MBTD1: variants seen among roughly 807,000 people sequenced by gnomAD.
The protein encoded by MBTD1 is MBT domain-containing protein 1.
In MBTD1, 24 loss-of-function variants were observed where a neutral mutation model predicts 87.8. That is an observed-to-expected ratio of 0.27 (90% CI 0.20 to 0.38). The LOEUF is 0.38. MBTD1 is among the 10% of genes least tolerant of loss of function. MBTD1 has a pLI of 1.00. For missense variants in MBTD1, 436 were observed against 760.2 expected (o/e 0.57, Z 5.02); for synonymous variants, 237 against 248.6 (o/e 0.95, Z 0.44).
rs2050209393 is a variant in MBTD1, at chr17:51,179,490, A to ATATATATATATATATATATTTATATTTT, written c.*1085_*1086insAAAATATAAATATATATATATATATATA. 1 of 23,548 alleles carries ATATATATATATATATATATTTATATTTT rather than the reference A, an allele frequency of 4.2e-5. No homozygotes were observed. Among genetic ancestry groups the ATATATATATATATATATATTTATATTTT allele is most frequent in the African/African-American group, 1.4e-4 (1 of 7,152 alleles). The allele number at this position is 23,548 out of a possible 1,614,324, so 1.5% of individuals were successfully genotyped here. On this transcript the variant is annotated 3_prime_UTR_variant, in exon 17 of 17. Transcript: ENST00000586178. Reference sequence around the variant, plus strand: ...AATACAATTAAAGACAATTTTATATATATATATATATATATATATATATAT... The same window carrying ATATATATATATATATATATTTATATTTT: ...AATACAATTAAAGACAATTTTATATATATATATATATATATATATTTATATTTTTATATATATATATATATATATATAT...
chr17:51,258,797 G>C (rs1419484187), intron 2 of MBTD1, among the ~76,000 whole-genome samples: 1 of 152,260 alleles, frequency 6.6e-6, no homozygotes, highest in African/African-American at 2.4e-5. Flanking sequence ...TAATTCTTTA[G>C]CTTCCTGTAG....
At chr17:51,226,173 C>T (rs2053204411) in intron 2 of MBTD1, among the ~76,000 whole-genome samples, 1 of 139,922 alleles carries the variant, frequency 7.1e-6, no homozygotes, top group Non-Finnish European at 1.6e-5. Flanking sequence ...CCCACTCTAC[C>T]AAAAAAAAAC....
chr17:51,258,176 G>A (rs1468050792), intron 2 of MBTD1, among the ~76,000 whole-genome samples: 1 of 152,154 alleles, frequency 6.6e-6, no homozygotes, highest in Admixed American at 6.6e-5. Flanking sequence ...GGAGACTGGG[G>A]CTTAAGGTGA....
At chr17:51,254,297 C>G (rs1160633728) in intron 2 of MBTD1, among the ~76,000 whole-genome samples, 1 of 152,186 alleles carries the variant, frequency 6.6e-6, no homozygotes, top group African/African-American at 2.4e-5. Context: ...TAAAACTCAT[C>G]AGTGTAAAGA....
intron 16 of MBTD1, chr17:51,185,269 G>A (rs1159127331): frequency 6.6e-6 from 1 of 152,188 alleles, no homozygotes; most frequent in Non-Finnish European, 1.5e-5. Context: ...TGCTAAGGCA[G>A]GTATAACTTT....
At chr17:51,253,319 T>C (rs997350111) in intron 2 of MBTD1, among the ~76,000 whole-genome samples, 1 of 152,186 alleles carries the variant, frequency 6.6e-6, no homozygotes, top group African/African-American at 2.4e-5. Flanking sequence ...TTTAGGAATC[T>C]GTCCTTCAGA....
At chr17:51,230,790 A>G (rs2053506373) in intron 2 of MBTD1, among the ~76,000 whole-genome samples, 1 of 152,146 alleles carries the variant, frequency 6.6e-6, no homozygotes, top group African/African-American at 2.4e-5. Context: ...CCAGGGTAAG[A>G]AACTGATTTT....
At position 51,193,700 on chromosome 17, in the gene MBTD1, C is replaced by T. The variant is rs1179403685; in HGVS notation, c.1373-190G>A. On this transcript the variant is annotated intron_variant, in intron 13 of 16. Transcript: ENST00000586178. ...TAGTGCCCTCAAAGGCTTACTGCAGCCTCAACCTCCAGGGCTCAAGTGATC... is the reference window on the plus strand; with the variant it reads ...TAGTGCCCTCAAAGGCTTACTGCAGTCTCAACCTCCAGGGCTCAAGTGATC... 2.0e-5 allele frequency among the ~76,000 whole-genome samples: 3 copies of T among 152,226 alleles called. No individual in the cohort carries two copies. In the East Asian group the frequency reaches 5.8e-4, roughly 29 times the overall value.
intron 12 of MBTD1, among the ~76,000 whole-genome samples, chr17:51,200,910 T>C (rs957226618): frequency 6.6e-6 from 1 of 151,406 alleles, no homozygotes; most frequent in Non-Finnish European, 1.5e-5. Flanking sequence ...CCTATAATCC[T>C]AGCACTTTAG....
In MBTD1 at chr17:51,181,158, G is replaced by C. The variant is rs550821852; in HGVS notation, c.1769-464C>G. Among the ~76,000 whole-genome samples the C allele has an allele frequency of 6.6e-5, 10 of 151,818 alleles. No homozygotes were observed. The South Asian group carries it at 1.9e-3, about 28-fold the overall frequency. On this transcript the variant is annotated intron_variant, in intron 16 of 16. Transcript: ENST00000586178. ...GCCTCAGCACCGCCCCCCCAAGTAGGTGGGACTACAGGCACCCACCACCAC... is the reference window on the plus strand; with the variant it reads ...GCCTCAGCACCGCCCCCCCAAGTAGCTGGGACTACAGGCACCCACCACCAC...
chr17:51,229,619 C>T (rs929003034), intron 2 of MBTD1, among the ~76,000 whole-genome samples: 1 of 151,602 alleles, frequency 6.6e-6, no homozygotes, highest in Non-Finnish European at 1.5e-5. Context: ...GTTATATACA[C>T]GTTCTAATAA....
At chr17:51,209,664 C>A (rs1203283467) in intron 6 of MBTD1, among the ~76,000 whole-genome samples, 1 of 152,204 alleles carries the variant, frequency 6.6e-6, no homozygotes, top group South Asian at 2.1e-4. Context: ...GGCAGAGATA[C>A]AGATTTCCCT....
At chr17:51,234,395 G>A (rs9898969) in intron 2 of MBTD1, among the ~76,000 whole-genome samples, 5 of 127,712 alleles carry the variant, frequency 3.9e-5, no homozygotes, top group East Asian at 4.6e-4. Flanking sequence ...CTTTGTCCCC[G>A]TCTCCAAAAA....
At chr17:51,202,206 T>G (rs2051531097) in intron 10 of MBTD1, 129 bp from the exon 11 acceptor site, 2 of 646,940 alleles carry the variant, frequency 3.1e-6, no homozygotes, top group Non-Finnish European at 5.5e-6. Flanking sequence ...GCCTTCTACA[T>G]TTGGGGTGAA....
intron 2 of MBTD1, among the ~76,000 whole-genome samples, chr17:51,229,188 C>G (rs2053416396): frequency 6.6e-6 from 1 of 152,070 alleles, no homozygotes; most frequent in Non-Finnish European, 1.5e-5. Flanking sequence ...GAAAACAAAA[C>G]CAAACCATTA....
rs2050212156 is a variant in MBTD1, at chr17:51,179,494, A to ATATATATATATATATT, written c.*1081_*1082insAATATATATATATATA. The ATATATATATATATATT allele has an allele frequency of 1.2e-4, 5 of 41,460 alleles. No individual in the cohort carries two copies. Among genetic ancestry groups the ATATATATATATATATT allele is most frequent in the Non-Finnish European group, 1.9e-4 (4 of 20,706 alleles). 2.6% of individuals were successfully genotyped at this position (41,460 alleles called of 1,614,324 possible). A position where few individuals can be genotyped will look rare whatever the true frequency, so the allele number is the denominator to read the frequency against. ...CAATTAAAGACAATTTTATATATAT[A>ATATATATATATATATT]TATATATATATATATATATATATAT... is the stretch of plus-strand genomic sequence containing the variant. On this transcript the variant is annotated 3_prime_UTR_variant, in exon 17 of 17. Transcript: ENST00000586178.
intron 2 of MBTD1, among the ~76,000 whole-genome samples, chr17:51,234,075 A>G (rs2053686483): frequency 6.6e-6 from 1 of 152,160 alleles, no homozygotes; most frequent in Non-Finnish European, 1.5e-5. Context: ...AGAAGACAAA[A>G]TATCCCAATA....
intron 2 of MBTD1, among the ~76,000 whole-genome samples, chr17:51,234,363 A>G (rs2053706435): frequency 6.9e-6 from 1 of 144,056 alleles, no homozygotes; most frequent in South Asian, 2.2e-4. Context: ...ACTGCACTCC[A>G]GCTTGGGCCA....
At chr17:51,191,463 G>A (rs533133561) in intron 16 of MBTD1, 1 of 151,670 alleles carries the variant, frequency 6.6e-6, no homozygotes, top group South Asian at 2.1e-4. Flanking sequence ...AGAAAAATTT[G>A]GTAAAGCTTG....
Sources: allele counts gnomAD v4.1 joint callset (sites outside exome capture counted in the v4.1 genomes callset), GRCh38; gene constraint gnomAD v4.1.1; transcripts MANE v1.5; gene names NCBI Gene and HGNC (gene_info 2026-07-23, HGNC 2026-07-21).